RGS12: variants seen among roughly 807,000 people sequenced by gnomAD.
RGS12 encodes the protein regulator of G-protein signaling 12.
In RGS12, 66 loss-of-function variants were observed where a neutral mutation model predicts 120.1. That is an observed-to-expected ratio of 0.55 (90% CI 0.45 to 0.67). The LOEUF (loss-of-function observed/expected upper bound fraction) is 0.67. Among genes scored for constraint, RGS12 ranks in the 30% least tolerant of loss-of-function variants. RGS12 has a pLI of 0.00. For synonymous variants in RGS12, 827 were observed against 804.7 expected (o/e 1.03, Z -0.47); for missense variants, 1,859 against 1,957.7 (o/e 0.95, Z 0.95).
At chr4:3,330,466 G>A (rs1272530145) in intron 2 of RGS12, among the ~76,000 whole-genome samples, 1 of 152,200 alleles carries the variant, frequency 6.6e-6, no homozygotes, top group East Asian at 1.9e-4. Context: ...TTCACTCAGG[G>A]AGAGAAGATA....
At chr4:3,364,557 G>A (rs1029734163) in intron 3 of RGS12, among the ~76,000 whole-genome samples, 6 of 152,008 alleles carry the variant, frequency 3.9e-5, no homozygotes, top group East Asian at 3.9e-4. Context: ...CCAGGGGCTC[G>A]TGGCCCCCGG....
At chr4:3,341,145 CCCTCTGCCCGT>C (rs1713047147) in intron 2 of RGS12, among the ~76,000 whole-genome samples, 2 of 148,536 alleles carry the variant, frequency 1.3e-5, no homozygotes, top group African/African-American at 5.0e-5. Context: ...ATAGTGACAC[CCCTCTGCCCGT>C]CTTTAGGGGC....
rs545640045 is a variant in RGS12 at position 3,417,477 on chromosome 4, G to C, written c.2697G>C (p.Ser899=). 6.2e-7 allele frequency: 1 copy of C among 1,613,348 alleles called. No individual in the cohort carries two copies. The highest frequency in any genetic ancestry group is 8.5e-7 in the Non-Finnish European group (1 of 1,179,796). ...AGAAGCGGAAAGGCGCGTTTTTCTC[G>C]TGGTCGCGGACCAGGAGCACCGGGA... ...SEKKRKGAFF[S]WSRTRSTGRS... Residue 899 remains serine, a synonymous_variant, in exon 9 of 18, where the codon TCG becomes TCC. Transcript: ENST00000336727.
intron 17 of RGS12, 32 bp downstream of exon 17, chr4:3,430,987 CCCCG>C (rs1222464879): frequency 6.2e-7 from 1 of 1,605,750 alleles, no homozygotes; most frequent in South Asian, 1.1e-5. Flanking sequence ...TCCACCTTGG[CCCCG>C]TAAGCGTGGT....
At chr4:3,294,392 G>A (rs1018729439) in intron 1 of RGS12, among the ~76,000 whole-genome samples, 2 of 152,234 alleles carry the variant, frequency 1.3e-5, no homozygotes, top group African/African-American at 4.8e-5. Flanking sequence ...TAGAGAAGGC[G>A]ACGTGGGGAG....
At chr4:3,290,054 C>T (rs935017037), upstream of RGS12, among the ~76,000 whole-genome samples, 3 of 152,306 alleles carry the variant, frequency 2.0e-5, no homozygotes, top group South Asian at 2.1e-4. Context: ...CCTAATCCAT[C>T]GACGAGCGCT....
chr4:3,431,334 T>G, intron 17 of RGS12: 1 of 1,074,228 alleles, frequency 9.3e-7, no homozygotes, highest in Non-Finnish European at 1.1e-6. Context: ...TGTTTCTGTC[T>G]CAAGACTGGA....
At chr4:3,357,580 A>T (rs1338744141) in intron 3 of RGS12, among the ~76,000 whole-genome samples, 1 of 151,408 alleles carries the variant, frequency 6.6e-6, no homozygotes, top group African/African-American at 2.5e-5. Context: ...ATTCTTTTGC[A>T]TGTGGATATC....
At chr4:3,313,582 G>A (rs1054363124) in intron 1 of RGS12, among the ~76,000 whole-genome samples, 5 of 152,136 alleles carry the variant, frequency 3.3e-5, no homozygotes, top group Admixed American at 6.5e-5. Flanking sequence ...CTGCGTTTTC[G>A]GGGGCCTCGT....
In RGS12 at chr4:3,301,370, C is replaced by A. The variant is rs61790543; in HGVS notation, c.-102+8271C>A. 3.7e-3 allele frequency among the ~76,000 whole-genome samples: 564 copies of A among 151,044 alleles called. 1 individual carries two copies. Among genetic ancestry groups the A allele is most frequent in the Non-Finnish European group, 6.2e-3 (418 of 67,880 alleles). On this transcript the variant is annotated intron_variant, in intron 1 of 17. Transcript: ENST00000336727. ...CTAAAAGCAAAAGGACCCCTTCAGG[C>A]CTAGTGAACACAAAACAGTGGTGGA...
At chr4:3,361,920 G>T (rs1374405511) in intron 3 of RGS12, among the ~76,000 whole-genome samples, 1 of 152,218 alleles carries the variant, frequency 6.6e-6, no homozygotes, top group Non-Finnish European at 1.5e-5. Flanking sequence ...GCTCCTGGTA[G>T]AGCTGTGTTC....
intron 4 of RGS12, among the ~76,000 whole-genome samples, chr4:3,404,921 C>T (rs1720949111): frequency 6.6e-6 from 1 of 151,986 alleles, no homozygotes; most frequent in African/African-American, 2.4e-5. Context: ...TTTTTTCACA[C>T]CAGAAAATAA....
chr4:3,377,360 G>T (rs539318094), intron 3 of RGS12, among the ~76,000 whole-genome samples: 1 of 152,096 alleles, frequency 6.6e-6, no homozygotes, highest in African/African-American at 2.4e-5. Flanking sequence ...CATGAGTCAC[G>T]ATGCCCAGCT....
intron 2 of RGS12, among the ~76,000 whole-genome samples, chr4:3,335,056 G>A (rs1020248540): frequency 5.9e-5 from 9 of 152,126 alleles, no homozygotes; most frequent in African/African-American, 1.7e-4. Context: ...TGTTTCTGTC[G>A]TTAAAGGTTC....
intron 2 of RGS12, among the ~76,000 whole-genome samples, chr4:3,336,278 C>T: frequency 6.6e-6 from 1 of 152,240 alleles, no homozygotes; most frequent in East Asian, 1.9e-4. Flanking sequence ...GAGGTTGCTA[C>T]TCCATGGCAT....
chr4:3,423,600 G>T lies in RGS12; in HGVS notation c.3193G>T (p.Ala1065Ser). The T allele has an allele frequency of 6.2e-7, 1 of 1,611,718 alleles. No homozygotes were observed. The highest frequency in any genetic ancestry group is 8.5e-7 in the Non-Finnish European group (1 of 1,179,930). The change falls in exon 13 of 18, where the codon GCC becomes TCC. Residue 1065 changes from alanine to serine, a missense_variant. Transcript: ENST00000336727. ...CACGGAGGTGCTGCGGCCCGTGGTG[G>T]CCAGATACGGCCTGGACCTCAGTGG... ...PVTEVLRPVV[A>S]RYGLDLSGLL...
Position 3,413,993 on chromosome 4 carries a change from T to A in RGS12, c.2021-79T>A, listed in dbSNP as rs1382873946. 4 of 1,413,784 alleles carry A rather than the reference T, an allele frequency of 2.8e-6. No individual in the cohort carries two copies. The East Asian group carries it at 7.5e-5, about 27-fold the overall frequency. The allele number at this position is 1,413,784 out of a possible 1,614,324, so 87.6% of individuals were successfully genotyped here. ...ACAGAGCTTGCTGCGTGTCCCAGGGTCTCCTGTGGGCGGGCAGAGCAGTCA... is the reference window on the plus strand; with the variant it reads ...ACAGAGCTTGCTGCGTGTCCCAGGGACTCCTGTGGGCGGGCAGAGCAGTCA... On this transcript the variant is annotated intron_variant, in intron 4 of 17. Coordinates refer to ENST00000336727, the MANE Select transcript of RGS12 (RefSeq NM_001394154.1).
chr4:3,431,443 A>G, intron 17 of RGS12: 2 of 995,924 alleles, frequency 2.0e-6, no homozygotes, highest in Non-Finnish European at 2.4e-6. Context: ...GAGCCTTGAG[A>G]GTGCAGCTCG....
At chr4:3,422,816 C>T in intron 11 of RGS12, 89 bp from the exon 12 acceptor site, 4 of 1,214,958 alleles carry the variant, frequency 3.3e-6, no homozygotes, top group Non-Finnish European at 4.9e-6. Context: ...CTCTTCTGCT[C>T]TGCACAGCTG....
Sources: gnomAD v4.1 joint callset for allele counts (sites outside exome capture counted in the v4.1 genomes callset) on GRCh38, gnomAD v4.1.1 for gene constraint, MANE v1.5 for transcripts, NCBI Gene and HGNC (gene_info 2026-07-23, HGNC 2026-07-21) for gene names.